The following MAPK10 variants were observed in gnomAD, a reference collection of about 807,000 sequenced individuals.
MAPK10 encodes the protein JNK3 alpha protein kinase.
In MAPK10, 25 loss-of-function variants were observed where a neutral mutation model predicts 59.3. The ratio of observed to expected loss-of-function variants is 0.42; its 90% CI spans 0.31 to 0.59. The LOEUF (loss-of-function observed/expected upper bound fraction) is 0.59, where lower values mean the gene tolerates loss of function less well. MAPK10 is among the 20% of genes least tolerant of loss of function. The pLI, the probability that MAPK10 is intolerant of heterozygous loss-of-function variation, is 0.15. For synonymous variants in MAPK10, 190 were observed against 200.5 expected (o/e 0.95, Z 0.44); for missense variants, 351 against 568.9 (o/e 0.62, Z 3.90).
intron 9 of MAPK10, chr4:86,080,809 A>G (rs566704673): frequency 5.3e-5 from 8 of 152,168 alleles, no homozygotes; most frequent in Admixed American, 1.3e-4. Flanking sequence ...TGTTGAGAAG[A>G]AAGATTAAAA....
chr4:86,541,898 T>C (rs1405118115), intron 1 of MAPK10, among the ~76,000 whole-genome samples: 1 of 149,588 alleles, frequency 6.7e-6, no homozygotes, highest in African/African-American at 2.5e-5. Flanking sequence ...GAAGCCCAGC[T>C]GATACAAAAT....
Position 86,015,683 on chromosome 4 carries a change from A to G in MAPK10, c.*1545T>C, listed in dbSNP as rs1743064690. 6.6e-6 allele frequency: 1 copy of G among 152,210 alleles called. No individual in the cohort carries two copies. Among genetic ancestry groups the G allele is most frequent in the South Asian group, 2.1e-4 (1 of 4,832 alleles). 9.4% of individuals were successfully genotyped at this position (152,210 alleles called of 1,614,324 possible). On this transcript the variant is annotated 3_prime_UTR_variant, in exon 14 of 14. Transcript: ENST00000641462. ...TGCTAAACATTGACATTAATGCTTCATGGCTTTTAAGACAAACTCATATTG... is the reference window on the plus strand; with the variant it reads ...TGCTAAACATTGACATTAATGCTTCGTGGCTTTTAAGACAAACTCATATTG...
rs1405423935 is a variant in MAPK10, at chr4:86,012,886, A to G, written c.*4342T>C. On this transcript the variant is annotated 3_prime_UTR_variant, in exon 14 of 14. Coordinates refer to ENST00000641462, the MANE Select transcript of MAPK10 (RefSeq NM_138982.4). ...TGTGCTTTAAGTCCATTTTATAAAC[A>G]CTGACACAAGACAATTCTCATCATT... The G allele has an allele frequency of 6.6e-6, 1 of 152,188 alleles. No homozygotes were observed. The allele number at this position is 152,188 out of a possible 1,614,324, so 9.4% of individuals were successfully genotyped here. A position where few individuals can be genotyped will look rare whatever the true frequency, so the allele number is the denominator to read the frequency against.
At position 86,538,959 on chromosome 4, in the gene MAPK10, T is replaced by C. The variant is rs115918899; in HGVS notation, c.-263+54951A>G. 6.5e-3 allele frequency among the ~76,000 whole-genome samples: 996 copies of C among 152,284 alleles called. 5 individuals carry two copies. The highest frequency in any genetic ancestry group is 0.014 in the Middle Eastern group (4 of 294). On this transcript the variant is annotated intron_variant, in intron 1 of 4. Transcript: ENST00000502302. Reference sequence around the variant, plus strand: ...AAATTTAAAAACCTACAAGATATTATTTTCACTTATCAAATTAAAAATCTT... The same window carrying C: ...AAATTTAAAAACCTACAAGATATTACTTTCACTTATCAAATTAAAAATCTT...
chr4:86,177,550 G>C (rs768532935), intron 3 of MAPK10, among the ~76,000 whole-genome samples: 25 of 151,994 alleles, frequency 1.6e-4, no homozygotes, highest in South Asian at 2.1e-4. Context: ...AAAATCAAGA[G>C]AGCTGTTTTT....
chr4:86,125,890 A>T (rs2059997668), intron 4 of MAPK10: 1 of 152,232 alleles, frequency 6.6e-6, no homozygotes, highest in South Asian at 2.1e-4. Context: ...AAAATTAATG[A>T]CCTAAAGACA....
chr4:86,107,028 G>T (rs1043200794), intron 5 of MAPK10, 195 bp downstream of exon 5: 5 of 414,142 alleles, frequency 1.2e-5, no homozygotes, highest in Non-Finnish European at 2.2e-5. Flanking sequence ...ACATCATATG[G>T]TTTTTAGGTG....
chr4:86,055,886 G>A (rs1295088833), intron 11 of MAPK10, among the ~76,000 whole-genome samples: 4 of 149,882 alleles, frequency 2.7e-5, no homozygotes, highest in African/African-American at 7.5e-5. Flanking sequence ...AACTTCACTT[G>A]CAAACTGACT....
At chr4:86,427,935 C>A (rs932330850) in intron 1 of MAPK10, among the ~76,000 whole-genome samples, 1 of 152,100 alleles carries the variant, frequency 6.6e-6, no homozygotes, top group African/African-American at 2.4e-5. Context: ...TTACCTGGAT[C>A]TTTTTTTAGC....
intron 1 of MAPK10, among the ~76,000 whole-genome samples, chr4:86,446,293 C>A (rs1161956071): frequency 6.6e-6 from 1 of 152,062 alleles, no homozygotes; most frequent in Non-Finnish European, 1.5e-5. Flanking sequence ...TAGCAATGTC[C>A]ATTTCATAGA....
At chr4:86,281,718 C>G (rs1403750801) in intron 2 of MAPK10, among the ~76,000 whole-genome samples, 2 of 151,900 alleles carry the variant, frequency 1.3e-5, no homozygotes, top group Non-Finnish European at 2.9e-5. Context: ...CATAGTCTTT[C>G]AAGGAATGTC....
chr4:86,190,694 C>A (rs1045843310), intron 3 of MAPK10, among the ~76,000 whole-genome samples: 9 of 151,214 alleles, frequency 6.0e-5, no homozygotes, highest in Admixed American at 4.0e-4. Flanking sequence ...TTCAAAAAAA[C>A]CAGCTCCTGG....
In MAPK10 at chr4:86,302,661, A is replaced by T. The variant is rs138602209; in HGVS notation, c.-7+51869T>A. Among the ~76,000 whole-genome samples the T allele has an allele frequency of 2.4e-4, 37 of 152,332 alleles. No individual in the cohort carries two copies. In the East Asian group the frequency reaches 6.4e-3, roughly 26 times the overall value. ...TGGAAATCACTCTTCGCTTCAGAAA[A>T]AAACATCCAAATCTTTGCAAAAACA... is the stretch of plus-strand genomic sequence containing the variant. On this transcript the variant is annotated intron_variant, in intron 2 of 13. Transcript: ENST00000641462.
intron 3 of MAPK10, among the ~76,000 whole-genome samples, chr4:86,190,779 T>G (rs2079525341): frequency 6.6e-6 from 1 of 152,200 alleles, no homozygotes; most frequent in South Asian, 2.1e-4. Context: ...TTTCTTGTCC[T>G]CTGCTATCTT....
intron 1 of MAPK10, among the ~76,000 whole-genome samples, chr4:86,385,074 T>C (rs1741292561): frequency 6.6e-6 from 1 of 152,144 alleles, no homozygotes; most frequent in Admixed American, 6.6e-5. Flanking sequence ...ATTGAGGATG[T>C]TAAAAGTACA....
At chr4:86,569,362 T>A (rs1415678082) in intron 1 of MAPK10, among the ~76,000 whole-genome samples, 1 of 152,132 alleles carries the variant, frequency 6.6e-6, no homozygotes, top group Admixed American at 6.6e-5. Flanking sequence ...GAATGTAAAT[T>A]AAGTCAGCTC....
intron 4 of MAPK10, among the ~76,000 whole-genome samples, chr4:86,126,682 A>C (rs1224609442): frequency 6.6e-6 from 1 of 152,094 alleles, no homozygotes; most frequent in Non-Finnish European, 1.5e-5. Context: ...CAACTGTATA[A>C]GTATACATAT....
At chr4:86,517,884 T>A (rs1053060147) in intron 1 of MAPK10, among the ~76,000 whole-genome samples, 1 of 152,220 alleles carries the variant, frequency 6.6e-6, no homozygotes, top group Non-Finnish European at 1.5e-5. Context: ...TCTGACAGAA[T>A]TCAGCTGTGA....
rs1290546535 is a variant in MAPK10 at position 86,371,531 on chromosome 4, A to T, written c.-121-16887T>A. Among the ~76,000 whole-genome samples, 4 of 152,230 alleles carry T rather than the reference A, an allele frequency of 2.6e-5. No homozygotes were observed. In the South Asian group the frequency reaches 6.2e-4, roughly 24 times the overall value. On this transcript the variant is annotated intron_variant, in intron 1 of 13. Coordinates refer to the MAPK10 transcript ENST00000361569. Reference sequence around the variant, plus strand: ...ATTGACATCTGTGCATATCTAACTGAAATTTCAACTTTCAGAGAGGTTAAG... The same window carrying T: ...ATTGACATCTGTGCATATCTAACTGTAATTTCAACTTTCAGAGAGGTTAAG...
Sources: allele counts gnomAD v4.1 joint callset (sites outside exome capture counted in the v4.1 genomes callset), GRCh38; gene constraint gnomAD v4.1.1; transcripts MANE v1.5; gene names NCBI Gene and HGNC (gene_info 2026-07-23, HGNC 2026-07-21).